Variants in ANK3 observed in about 807,000 individuals in gnomAD.
ANK3 encodes the protein ankyrin-3.
Under a neutral mutation model 370.9 loss-of-function variants are expected in ANK3, and 57 were observed. The ratio of observed to expected loss-of-function variants is 0.15; its 90% confidence interval spans 0.12 to 0.19. The LOEUF is 0.19. Among genes scored for constraint, ANK3 ranks in the 10% least tolerant of loss-of-function variants. ANK3 has a pLI of 1.00. For missense variants in ANK3, 4,439 were observed against 5,302.1 expected, an observed-to-expected ratio of 0.84 and a Z score of 5.06; for synonymous variants, 1,929 against 1,946.3, an observed-to-expected ratio of 0.99 and a Z score of 0.23.
intron 5 of ANK3, among the ~76,000 whole-genome samples, chr10:60,267,079 A>AT (rs34967721): frequency 1.3e-5 from 2 of 152,308 alleles, no homozygotes; most frequent in East Asian, 3.9e-4. Flanking sequence ...TATATACAAG[A>AT]TTTGAAGTGT....
intron 8 of ANK3, among the ~76,000 whole-genome samples, chr10:60,228,036 A>C (rs1304725615): frequency 6.6e-6 from 1 of 152,212 alleles, no homozygotes; most frequent in Non-Finnish European, 1.5e-5. Context: ...TCCCAGCAGA[A>C]GGCTTAGTCC....
At chr10:60,523,269 T>C (rs935248556) in intron 2 of ANK3, among the ~76,000 whole-genome samples, 3 of 152,034 alleles carry the variant, frequency 2.0e-5, no homozygotes, top group African/African-American at 7.2e-5. Flanking sequence ...CTTTAAGTTT[T>C]AGGGTACATG....
chr10:60,288,255 A>G (rs951762833), intron 1 of ANK3, among the ~76,000 whole-genome samples: 4 of 152,116 alleles, frequency 2.6e-5, no homozygotes, highest in Admixed American at 2.6e-4. Flanking sequence ...CATATTTGCT[A>G]CTTTCCCTGA....
intron 2 of ANK3, among the ~76,000 whole-genome samples, chr10:60,412,704 G>C (rs142856234): frequency 6.6e-6 from 1 of 152,200 alleles, no homozygotes; most frequent in Non-Finnish European, 1.5e-5. Context: ...AGCTGAGACT[G>C]TCTGTAATTT....
At chr10:60,098,535 A>G (rs1446922411) in intron 28 of ANK3, among the ~76,000 whole-genome samples, 1 of 152,222 alleles carries the variant, frequency 6.6e-6, no homozygotes, top group African/African-American at 2.4e-5. Context: ...TTGGAATTAA[A>G]GTTCAGCTCC....
chr10:60,040,997 G>T (rs1362367329), intron 43 of ANK3, among the ~76,000 whole-genome samples: 1 of 152,206 alleles, frequency 6.6e-6, no homozygotes, highest in Non-Finnish European at 1.5e-5. Context: ...ATGCATAGGA[G>T]TGGGTTCATT....
chr10:60,681,391 C>T (rs539781838), intron 1 of ANK3, among the ~76,000 whole-genome samples: 6 of 152,320 alleles, frequency 3.9e-5, no homozygotes, highest in East Asian at 3.9e-4. Flanking sequence ...CTCACCACCT[C>T]CCACATGGGC....
rs148963847 is a variant in ANK3, at chr10:60,626,995, T to C, written c.58-11771A>G. On this transcript the variant is annotated intron_variant, in intron 1 of 43. Coordinates refer to the ANK3 transcript ENST00000373827. ...AGGAAATAAAAAACCCTGGAAAAGATAGGAGGGAGAAAGAGAACAGAGCCT... is the reference window on the plus strand; with the variant it reads ...AGGAAATAAAAAACCCTGGAAAAGACAGGAGGGAGAAAGAGAACAGAGCCT... 9.7e-4 allele frequency among the ~76,000 whole-genome samples: 147 copies of C among 151,676 alleles called. 1 individual carries two copies. In the Middle Eastern group the frequency reaches 0.017, roughly 18 times the overall value.
intron 18 of ANK3, among the ~76,000 whole-genome samples, chr10:60,173,525 G>T (rs759290161): frequency 1.7e-4 from 26 of 152,194 alleles, no homozygotes; most frequent in Non-Finnish European, 3.8e-4. Flanking sequence ...GGTCAGAAGA[G>T]CACTTTATGG....
intron 1 of ANK3, among the ~76,000 whole-genome samples, chr10:60,696,158 T>C (rs1394742061): frequency 1.3e-5 from 2 of 149,500 alleles, no homozygotes; most frequent in African/African-American, 4.9e-5. Context: ...CTAGAAGTCA[T>C]GGATAAATTC....
intron 1 of ANK3, among the ~76,000 whole-genome samples, chr10:60,682,464 G>A (rs952690714): frequency 5.3e-5 from 8 of 151,608 alleles, no homozygotes; most frequent in East Asian, 1.9e-4. Flanking sequence ...TCCTGGCTCC[G>A]GACTCCCATT....
intron 21 of ANK3, among the ~76,000 whole-genome samples, chr10:60,167,759 G>T (rs765015694): frequency 3.9e-4 from 59 of 151,936 alleles, no homozygotes; most frequent in Non-Finnish European, 6.8e-4. Flanking sequence ...AAAAAGCCAG[G>T]TTGTTAAAAC....
intron 21 of ANK3, among the ~76,000 whole-genome samples, chr10:60,167,389 C>A (rs943149459): frequency 2.0e-5 from 3 of 152,150 alleles, no homozygotes; most frequent in Non-Finnish European, 4.4e-5. Context: ...ATATTTACAA[C>A]AATAATCTTT....
intron 8 of ANK3, among the ~76,000 whole-genome samples, chr10:60,223,054 C>T (rs747227071): frequency 3.1e-4 from 47 of 152,190 alleles, no homozygotes; most frequent in Non-Finnish European, 6.3e-4. Context: ...TCTGAATTCT[C>T]TTCTCATCTA....
chr10:60,162,928 A>G (rs1281137939), intron 23 of ANK3, among the ~76,000 whole-genome samples: 1 of 152,148 alleles, frequency 6.6e-6, no homozygotes, highest in Non-Finnish European at 1.5e-5. Context: ...TCTACAAGCT[A>G]AAATAACATT....
chr10:60,714,193 T>G (rs1186664932), intron 1 of ANK3, among the ~76,000 whole-genome samples: 1 of 152,140 alleles, frequency 6.6e-6, no homozygotes, highest in East Asian at 1.9e-4. Flanking sequence ...AAAGCTCAAA[T>G]AAGGAGAAAC....
At chr10:60,105,207 A>ATTT (rs35078297) in intron 28 of ANK3, among the ~76,000 whole-genome samples, 1 of 148,492 alleles carries the variant, frequency 6.7e-6, no homozygotes, top group Non-Finnish European at 1.5e-5. Context: ...CTGTTCTCTA[A>ATTT]TTTTTTTTTT....
rs1261859008 is a variant in ANK3 at position 60,240,191 on chromosome 10, TATAC to T, written c.799-5409_799-5406del. On this transcript the variant is annotated intron_variant, in intron 7 of 43. Transcript: ENST00000280772. ...ATATATATACATATATACACATATA[TATAC>T]ACACACACATATATATACACATATA... Among the ~76,000 whole-genome samples, 445 of 138,522 alleles carry T rather than the reference TATAC, an allele frequency of 3.2e-3. 4 individuals are homozygous for T. Among genetic ancestry groups the T allele is most frequent in the African/African-American group, 0.012 (425 of 34,594 alleles). The allele number at this position is 138,522 out of a possible 152,430, so 90.9% of individuals were successfully genotyped here. A position where few individuals can be genotyped will look rare whatever the true frequency, so the allele number is the denominator to read the frequency against.
rs201767790 is a variant in ANK3, at chr10:60,173,082, G to A, written c.2283+6C>T. The A allele has an allele frequency of 4.4e-5, 71 of 1,612,528 alleles. No homozygotes were observed. The highest frequency in any genetic ancestry group is 6.0e-5 in the Non-Finnish European group (71 of 1,179,018). ...TCTGGCAGAAACAAAAAAGGAAGGA[G>A]CTTACCTTTGTTTTGGCATTAACTT... is the stretch of plus-strand genomic sequence containing the variant. On this transcript the variant is annotated splice_donor_region_variant and intron_variant, in intron 19 of 43. Transcript: ENST00000280772.
Sources: gnomAD v4.1 joint callset for allele counts (sites outside exome capture counted in the v4.1 genomes callset) on GRCh38, gnomAD v4.1.1 for gene constraint, MANE v1.5 for transcripts, NCBI Gene and HGNC (gene_info 2026-07-23, HGNC 2026-07-21) for gene names.